The following TMEM71 variants were observed in gnomAD, a reference collection of about 807,000 sequenced individuals.
TMEM71 encodes the protein transmembrane protein 71.
A neutral mutation model predicts 38.0 loss-of-function variants in TMEM71; 44 were observed. The observed-to-expected ratio is 1.16, with a 90% confidence interval of 0.91 to 1.49. TMEM71 has a LOEUF of 1.49. Among genes scored for constraint, TMEM71 ranks in the 40% most tolerant of loss-of-function variants. The pLI is 0.00. For missense variants in TMEM71, 367 were observed against 348.6 expected, an observed-to-expected ratio of 1.05 and a Z score of -0.42; for synonymous variants, 133 against 122.5, an observed-to-expected ratio of 1.09 and a Z score of -0.56.
chr8:132,773,953 T>C, the TMEM71 span, among the ~76,000 whole-genome samples: 5 of 152,232 alleles, frequency 3.3e-5, no homozygotes, highest in African/African-American at 4.8e-5. Context: ...ACAGTAGTTG[T>C]AGATTATCAG....
intron 4 of TMEM71, among the ~76,000 whole-genome samples, chr8:132,748,436 G>T (rs907405644): frequency 1.3e-5 from 2 of 152,184 alleles, no homozygotes; most frequent in African/African-American, 4.8e-5. Flanking sequence ...CAGGGCAGTT[G>T]CCCACAACAA....
At position 132,756,411 on chromosome 8, in the gene TMEM71, T is replaced by TTATATATATATATA. The variant is rs55767264; in HGVS notation, c.101+809_101+822dup. Among the ~76,000 whole-genome samples, 1,082 of 115,552 alleles carry TTATATATATATATA rather than the reference T, an allele frequency of 9.4e-3. 16 individuals carry two copies. The highest frequency in any genetic ancestry group is 0.02 in the African/African-American group (491 of 24,422). 75.8% of individuals were successfully genotyped at this position (115,552 alleles called of 152,430 possible). A position where few individuals can be genotyped will look rare whatever the true frequency, so the allele number is the denominator to read the frequency against. On this transcript the variant is annotated intron_variant, in intron 3 of 9. Transcript: ENST00000677595. ...CCATATATTGACACTAACATATATATTATATATATATATATATATATATAT... is the reference window on the plus strand; with the variant it reads ...CCATATATTGACACTAACATATATATTATATATATATATATATATATATATATATATATATATAT...
chr8:132,736,269 T>A (rs760034296), intron 5 of TMEM71, among the ~76,000 whole-genome samples: 4 of 152,116 alleles, frequency 2.6e-5, no homozygotes, highest in Non-Finnish European at 4.4e-5. Context: ...ACTTGCCTTG[T>A]TGCTCCAGAA....
At chr8:132,722,627 A>G (rs1193087359) in intron 6 of TMEM71, among the ~76,000 whole-genome samples, 1 of 152,234 alleles carries the variant, frequency 6.6e-6, no homozygotes, top group Admixed American at 6.5e-5. Flanking sequence ...TCACATAGCT[A>G]TGAGGTGTCA....
At chr8:132,711,070 A>G in intron 9 of TMEM71, 88 bp from the exon 10 acceptor site, 2 of 1,265,106 alleles carry the variant, frequency 1.6e-6, no homozygotes, top group African/African-American at 1.6e-5. Context: ...CCATTTGCGC[A>G]TATATAAGCA....
chr8:132,734,467 TG>T (rs1827635077), intron 5 of TMEM71, among the ~76,000 whole-genome samples: 1 of 152,182 alleles, frequency 6.6e-6, no homozygotes, highest in African/African-American at 2.4e-5. Flanking sequence ...TGGGTAGATG[TG>T]GACGAGACTG....
chr8:132,714,946 T>A (rs1826423477), intron 7 of TMEM71, among the ~76,000 whole-genome samples: 1 of 151,950 alleles, frequency 6.6e-6, no homozygotes, highest in East Asian at 1.9e-4. Flanking sequence ...CAAATGTCAA[T>A]AAGTATAAAA....
chr8:132,713,656 C>A (rs923780348), intron 9 of TMEM71, among the ~76,000 whole-genome samples: 1 of 152,108 alleles, frequency 6.6e-6, no homozygotes, highest in African/African-American at 2.4e-5. Flanking sequence ...GGGCAGTTTG[C>A]CAGCTATTTG....
intron 9 of TMEM71, among the ~76,000 whole-genome samples, chr8:132,711,324 A>C (rs552920805): frequency 5.3e-5 from 8 of 152,118 alleles, no homozygotes; most frequent in Non-Finnish European, 1.2e-4. Context: ...TCAGTATTTT[A>C]ATTGCACTTT....
chr8:132,750,659 A>C (rs1321580645), intron 4 of TMEM71, among the ~76,000 whole-genome samples: 1 of 152,244 alleles, frequency 6.6e-6, no homozygotes, highest in East Asian at 1.9e-4. Flanking sequence ...TTATTGTGTC[A>C]ATAGCTGACT....
downstream of TMEM71, among the ~76,000 whole-genome samples, chr8:132,706,572 A>T (rs1826097851): frequency 6.6e-6 from 1 of 152,182 alleles, no homozygotes; most frequent in Admixed American, 6.5e-5. Flanking sequence ...GCCTTTTGGG[A>T]AATTTTATAT....
the TMEM71 span, among the ~76,000 whole-genome samples, chr8:132,774,036 C>T: frequency 6.6e-6 from 1 of 152,216 alleles, no homozygotes; most frequent in Non-Finnish European, 1.5e-5. Flanking sequence ...CAGTGCTTTA[C>T]ACTGTGCCAG....
chr8:132,715,348 T>A (rs1340867034), intron 7 of TMEM71, among the ~76,000 whole-genome samples: 1 of 135,602 alleles, frequency 7.4e-6, no homozygotes, highest in African/African-American at 2.9e-5. Flanking sequence ...AGGCGGAGCT[T>A]GCAGTGAGCC....
At chr8:132,739,505 G>T (rs546633028) in intron 5 of TMEM71, among the ~76,000 whole-genome samples, 1 of 152,166 alleles carries the variant, frequency 6.6e-6, no homozygotes, top group Non-Finnish European at 1.5e-5. Flanking sequence ...TAGAGACGGG[G>T]TTTCACCATG....
intron 7 of TMEM71, among the ~76,000 whole-genome samples, chr8:132,721,332 T>A (rs1367667632): frequency 6.6e-6 from 1 of 152,112 alleles, no homozygotes; most frequent in Non-Finnish European, 1.5e-5. Flanking sequence ...TATGTGGGGA[T>A]ATACAAATAC....
the TMEM71 span, among the ~76,000 whole-genome samples, chr8:132,771,490 T>G: frequency 1.3e-5 from 2 of 152,112 alleles, no homozygotes; most frequent in Non-Finnish European, 2.9e-5. Flanking sequence ...TTTAAAAATC[T>G]CAGAGATCCA....
At position 132,726,851 on chromosome 8, in the gene TMEM71, C is replaced by CT. The variant is rs766951516; in HGVS notation, c.676+946dup. Among the ~76,000 whole-genome samples the CT allele has an allele frequency of 3.0e-4, 44 of 148,012 alleles. 1 individual carries two copies. Among genetic ancestry groups the CT allele is most frequent in the South Asian group, 6.3e-4 (3 of 4,734 alleles). Reference sequence around the variant, plus strand: ...CTTTTTGTTGTTTCCTCTTCTTCTTCTTCTTTTTTTTTTTTTTGGAGTCTT... The same window carrying CT: ...CTTTTTGTTGTTTCCTCTTCTTCTTCTTTCTTTTTTTTTTTTTTGGAGTCTT... On this transcript the variant is annotated intron_variant, in intron 6 of 9. Coordinates refer to ENST00000677595, the MANE Select transcript of TMEM71 (RefSeq NM_001382403.1).
At chr8:132,762,619 T>A (rs1336462066), upstream of TMEM71, among the ~76,000 whole-genome samples, 1 of 152,220 alleles carries the variant, frequency 6.6e-6, no homozygotes, top group African/African-American at 2.4e-5. Context: ...AATTGTTACA[T>A]CAATTCCATG....
intron 5 of TMEM71, among the ~76,000 whole-genome samples, chr8:132,729,394 G>A (rs1399333077): frequency 6.6e-6 from 1 of 152,162 alleles, no homozygotes; most frequent in East Asian, 1.9e-4. Context: ...TGTCTTGAGT[G>A]GTCTGTGTCA....
Sources: allele counts gnomAD v4.1 joint callset (sites outside exome capture counted in the v4.1 genomes callset), GRCh38; gene constraint gnomAD v4.1.1; transcripts MANE v1.5; gene names NCBI Gene and HGNC (gene_info 2026-07-23, HGNC 2026-07-21).